The following SSR1 variants were observed in gnomAD, a reference collection of about 807,000 sequenced individuals.
The protein encoded by SSR1 is signal sequence receptor subunit 1, also known as translocon-associated protein subunit alpha.
A neutral mutation model predicts 36.1 loss-of-function variants in SSR1; 13 were observed. That is an observed-to-expected ratio of 0.36 (90% CI 0.23 to 0.57). The LOEUF is 0.57. Ranked by LOEUF, SSR1 falls within the 20% of genes least tolerant of loss-of-function variation. SSR1 has a pLI of 0.81. For synonymous variants in SSR1, 113 were observed against 118.9 expected (o/e 0.95, Z 0.32); for missense variants, 291 against 338.5 (o/e 0.86, Z 1.10).
At chr6:7,310,174 G>T in intron 1 of SSR1, 145 bp from the exon 2 acceptor site, 1 of 595,574 alleles carries the variant, frequency 1.7e-6, no homozygotes, top group South Asian at 2.1e-5. Context: ...ACAATGCACC[G>T]AAGAATATTT....
intron 2 of SSR1, among the ~76,000 whole-genome samples, chr6:7,304,168 C>G (rs1372585236): frequency 6.6e-6 from 1 of 152,226 alleles, no homozygotes; most frequent in Non-Finnish European, 1.5e-5. Flanking sequence ...GCCTATCATT[C>G]TCTTTCTAAC....
chr6:7,295,287 G>C, intron 7 of SSR1, 105 bp downstream of exon 7: 1 of 1,115,606 alleles, frequency 9.0e-7, no homozygotes, highest in South Asian at 1.5e-5. Flanking sequence ...TGGAAAAGAT[G>C]AATGTTAAAT....
rs552486687 is a variant in SSR1 at position 7,291,302 on chromosome 6, G to A, written c.794-1371C>T. Among the ~76,000 whole-genome samples the A allele has an allele frequency of 2.0e-5, 3 of 152,204 alleles. No homozygotes were observed. The South Asian group carries it at 6.2e-4, about 32-fold the overall frequency. ...GATCTCAGCTACTTGGAAGGCTGAG[G>A]CAGGAGAATCACTTGAACCGAGGGG... On this transcript the variant is annotated intron_variant, in intron 7 of 7. Transcript: ENST00000244763.
rs1757462793 is a variant in SSR1, at chr6:7,283,054, TTTAA to T, written c.*6806_*6809del. 6.6e-6 allele frequency: 1 copy of T among 152,208 alleles called. No homozygotes were observed. Among genetic ancestry groups the T allele is most frequent in the Admixed American group, 6.5e-5 (1 of 15,280 alleles). The allele number at this position is 152,208 out of a possible 1,614,324, so 9.4% of individuals were successfully genotyped here. A position where few individuals can be genotyped will look rare whatever the true frequency, so the allele number is the denominator to read the frequency against. On this transcript the variant is annotated 3_prime_UTR_variant, in exon 8 of 8. Transcript: ENST00000244763. ...CAGTCTTGTCTTTATTTATTTATTT[TTTAA>T]TTGTTAGTAGCTTTTACTTATTATT...
chr6:7,294,995 C>A, intron 7 of SSR1: 1 of 1,156,586 alleles, frequency 8.6e-7, no homozygotes, highest in Non-Finnish European at 1.2e-6. Context: ...AAAATTGTTC[C>A]ATTACTCATT....
intron 7 of SSR1, among the ~76,000 whole-genome samples, chr6:7,294,475 G>A (rs1014800035): frequency 2.6e-5 from 4 of 151,902 alleles, no homozygotes; most frequent in Non-Finnish European, 4.4e-5. Flanking sequence ...ATCACTTGAG[G>A]TCAGGAGGTC....
Position 7,298,417 on chromosome 6 carries a change from A to C in SSR1, c.620+330T>G, listed in dbSNP as rs181624874. On this transcript the variant is annotated intron_variant, in intron 5 of 7. Coordinates refer to ENST00000244763, the MANE Select transcript of SSR1 (RefSeq NM_003144.5). ...TTTTCAAGATAAAATCTTCTAACTTATGTTTTCAATAGTAATTTCAGAGGC... is the reference window on the plus strand; with the variant it reads ...TTTTCAAGATAAAATCTTCTAACTTCTGTTTTCAATAGTAATTTCAGAGGC... Among the ~76,000 whole-genome samples, 227 of 152,354 alleles carry C rather than the reference A, an allele frequency of 1.5e-3. 4 individuals carry two copies. The Middle Eastern group carries it at 0.027, about 18-fold the overall frequency.
intron 4 of SSR1, 112 bp downstream of exon 4, chr6:7,301,198 A>G (rs1561832747): frequency 7.6e-7 from 1 of 1,319,058 alleles, no homozygotes; most frequent in East Asian, 2.4e-5. Flanking sequence ...GGTGGCTATC[A>G]CAGGTTCAAC....
chr6:7,307,155 C>G (rs532059086), intron 2 of SSR1, among the ~76,000 whole-genome samples: 1 of 152,238 alleles, frequency 6.6e-6, no homozygotes, highest in Admixed American at 6.5e-5. Context: ...ATCTTGGGAA[C>G]AGCAGCAGTA....
intron 6 of SSR1, 77 bp downstream of exon 6, chr6:7,297,846 C>T: frequency 9.1e-7 from 1 of 1,102,918 alleles, no homozygotes; most frequent in Non-Finnish European, 1.3e-6. Context: ...CAGTATGAGG[C>T]CGAAGAACTA....
At chr6:7,308,950 C>T (rs1758127082) in intron 2 of SSR1, among the ~76,000 whole-genome samples, 2 of 152,180 alleles carry the variant, frequency 1.3e-5, no homozygotes, top group Admixed American at 1.3e-4. Flanking sequence ...ATCTATGAAA[C>T]CATGAGGTCC....
Position 7,281,396 on chromosome 6 carries a change from A to G in SSR1, c.*8468T>C, listed in dbSNP as rs1757415957. ...TAGTCCCAGAAGATAGCTAAATAAC[A>G]TTTTCAGATAGAACCTCACACTGCA... On this transcript the variant is annotated 3_prime_UTR_variant, in exon 8 of 8. Coordinates refer to ENST00000244763, the MANE Select transcript of SSR1 (RefSeq NM_003144.5). 1.3e-5 allele frequency: 2 copies of G among 152,238 alleles called. No homozygotes were observed. The highest frequency in any genetic ancestry group is 6.5e-5 in the Admixed American group (1 of 15,282). 9.4% of individuals were successfully genotyped at this position (152,238 alleles called of 1,614,324 possible). A position where few individuals can be genotyped will look rare whatever the true frequency, so the allele number is the denominator to read the frequency against.
At position 7,297,950 on chromosome 6, in the gene SSR1, G is replaced by T; in HGVS notation, c.672C>A (p.Gly224=). Reference sequence around the variant, plus strand: ...TTCTAGATTCTAGGAGTTGATGAAGGCCAACAATAACCAGAAGCCCAAGAC... The same window carrying T: ...TTCTAGATTCTAGGAGTTGATGAAGTCCAACAATAACCAGAAGCCCAAGAC... ...LAGLGLLVIV[G]LHQLLESRKR... is the part of the protein sequence containing the mutation. Residue 224 remains glycine, a synonymous_variant, in exon 6 of 8, where the codon GGC becomes GGA. Coordinates refer to ENST00000244763, the MANE Select transcript of SSR1 (RefSeq NM_003144.5). 1 of 1,613,276 alleles carries T rather than the reference G, an allele frequency of 6.2e-7. No homozygotes were observed. Among genetic ancestry groups the T allele is most frequent in the Non-Finnish European group, 8.5e-7 (1 of 1,179,628 alleles).
Position 7,281,368 on chromosome 6 carries a change from A to G in SSR1, c.*8496T>C, listed in dbSNP as rs531501726. On this transcript the variant is annotated 3_prime_UTR_variant, in exon 8 of 8. Transcript: ENST00000244763. ...AAGGATTCATGACCCCACTTTCATT[A>G]AATAGTCCCAGAAGATAGCTAAATA... The G allele has an allele frequency of 3.9e-5, 6 of 152,222 alleles. No individual in the cohort carries two copies. The highest frequency in any genetic ancestry group is 8.8e-5 in the Non-Finnish European group (6 of 68,040). 9.4% of individuals were successfully genotyped at this position (152,222 alleles called of 1,614,324 possible). A position where few individuals can be genotyped will look rare whatever the true frequency, so the allele number is the denominator to read the frequency against.
At chr6:7,292,365 C>T (rs568354168) in intron 7 of SSR1, among the ~76,000 whole-genome samples, 4 of 152,186 alleles carry the variant, frequency 2.6e-5, no homozygotes, top group African/African-American at 9.6e-5. Flanking sequence ...ACTAACACAT[C>T]CAGTCATAAA....
intron 6 of SSR1, among the ~76,000 whole-genome samples, chr6:7,296,402 C>T (rs1757795034): frequency 6.6e-6 from 1 of 152,094 alleles, no homozygotes; most frequent in Non-Finnish European, 1.5e-5. Flanking sequence ...GACAATGAGG[C>T]AAAGCGAGTT....
In SSR1 at chr6:7,296,700, G is replaced by A. The variant is rs545279092; in HGVS notation, c.700-1215C>T. ...GGAAGGAAAGGAGGAGGGTGAGTGA[G>A]GGAAGGAAAGGAGGAGGGTGAGTGA... is the stretch of plus-strand genomic sequence containing the variant. On this transcript the variant is annotated intron_variant, in intron 6 of 7. Coordinates refer to ENST00000244763, the MANE Select transcript of SSR1 (RefSeq NM_003144.5). Among the ~76,000 whole-genome samples the A allele has an allele frequency of 6.1e-3, 922 of 151,952 alleles. 3 individuals are homozygous for A. The highest frequency in any genetic ancestry group is 0.01 in the Middle Eastern group (3 of 294).
intron 5 of SSR1, among the ~76,000 whole-genome samples, chr6:7,298,433 T>C (rs1204608556): frequency 1.3e-5 from 2 of 152,262 alleles, no homozygotes; most frequent in African/African-American, 4.8e-5. Context: ...TCAATAGTAA[T>C]TTCAGAGGCA....
At chr6:7,296,454 G>C (rs1340310318) in intron 6 of SSR1, among the ~76,000 whole-genome samples, 1 of 152,182 alleles carries the variant, frequency 6.6e-6, no homozygotes, top group Non-Finnish European at 1.5e-5. Context: ...CTCTTTTAAA[G>C]AGAAAGAGCT....
Sources: gnomAD v4.1 joint callset for allele counts (sites outside exome capture counted in the v4.1 genomes callset) on GRCh38, gnomAD v4.1.1 for gene constraint, MANE v1.5 for transcripts, NCBI Gene and HGNC (gene_info 2026-07-23, HGNC 2026-07-21) for gene names.